POLA1: variants seen among roughly 807,000 people sequenced by gnomAD.
POLA1 encodes DNA polymerase alpha 1, catalytic subunit.
In POLA1, 15 loss-of-function variants were observed where a neutral mutation model predicts 124.0. The observed-to-expected ratio is 0.12, with a 90% confidence interval of 0.08 to 0.19. The LOEUF (loss-of-function observed/expected upper bound fraction) is 0.19. POLA1 is among the 10% of genes least tolerant of loss of function. The pLI, the probability that POLA1 is intolerant of heterozygous loss-of-function variation, is 1.00. For missense variants in POLA1, 886 were observed against 1,103.4 expected (o/e 0.80, Z 2.79); for synonymous variants, 408 against 389.4 (o/e 1.05, Z -0.56).
intron 4 of POLA1, among the ~76,000 whole-genome samples, chrX:24,707,715 C>T (rs1228169936): frequency 4.4e-5 from 5 of 112,426 alleles, no homozygotes; most frequent in Non-Finnish European, 7.5e-5. Context: ...GAAAAATGGC[C>T]GGGTGCGGTG....
chrX:24,817,622 AAAAAG>A (rs1569324166), intron 30 of POLA1, among the ~76,000 whole-genome samples: 4 of 109,365 alleles, frequency 3.7e-5, no homozygotes, highest in Non-Finnish European at 5.7e-5. Flanking sequence ...AAAAAAAAAA[AAAAAG>A]AAAAGAAAAA....
intron 35 of POLA1, among the ~76,000 whole-genome samples, chrX:24,918,411 C>T (rs769089699): frequency 2.2e-4 from 25 of 111,463 alleles, no homozygotes; most frequent in Non-Finnish European, 4.1e-4. Context: ...AAAGCAGAGA[C>T]AGTAGAGATA....
chrX:24,780,377 T>C (rs139636875), intron 26 of POLA1, among the ~76,000 whole-genome samples: 34 of 112,817 alleles, frequency 3.0e-4, no homozygotes, highest in Non-Finnish European at 5.1e-4. Flanking sequence ...TTTCTGGTAT[T>C]AGGGGGAAAG....
chrX:24,966,651 G>A (rs775232894), intron 36 of POLA1, among the ~76,000 whole-genome samples: 2 of 111,801 alleles, frequency 1.8e-5, no homozygotes, highest in South Asian at 7.6e-4. Flanking sequence ...CTTCACTCCT[G>A]CCCCATTTTT....
intron 32 of POLA1, among the ~76,000 whole-genome samples, chrX:24,834,686 G>C (rs1179561737): frequency 2.7e-5 from 3 of 111,722 alleles, no homozygotes; most frequent in Non-Finnish European, 5.6e-5. Flanking sequence ...GCTGAGGCAG[G>C]AGAATCTCTT....
chrX:24,963,508 G>A (rs1294314181), intron 36 of POLA1, among the ~76,000 whole-genome samples: 1 of 111,736 alleles, frequency 8.9e-6, no homozygotes, highest in African/African-American at 3.2e-5. Context: ...TGTGCTGTGA[G>A]TTTTCCAGTC....
intron 33 of POLA1, among the ~76,000 whole-genome samples, chrX:24,842,468 A>C (rs1336180270): frequency 8.9e-6 from 1 of 112,579 alleles, no homozygotes; most frequent in Admixed American, 9.4e-5. Context: ...AGGAATAGGC[A>C]GCAGAACTGT....
At chrX:24,709,020 C>A (rs1228002020) in intron 4 of POLA1, among the ~76,000 whole-genome samples, 1 of 93,006 alleles carries the variant, frequency 1.1e-5, no homozygotes, top group Non-Finnish European at 2.3e-5. Flanking sequence ...GGGGGGCTGA[C>A]CCCCCCCACC....
rs1203716704 is a variant in POLA1, at chrX:24,727,926, A to G, written c.1676A>G (p.His559Arg). 5.8e-6 allele frequency: 7 copies of G among 1,207,727 alleles called. No homozygotes were observed. The highest frequency in any genetic ancestry group is 2.2e-5 in the Admixed American group (1 of 45,965). ...AAGACAATGCAGAATGCAAAGAACC[A>G]TCAAAATGAGGTTTAAAAAATAGGA... ...SMKTMQNAKN[H>R]QNEIIAMAAL... Residue 559 changes from histidine (H) to arginine (R), a missense_variant, in exon 15 of 37, where the codon CAT becomes CGT. Physicochemically the swap from His to Arg is conservative, Grantham distance 29. Around this residue, in one of 7 missense-constraint regions of POLA1, gnomAD observed 337 missense variants for 402.8 expected, o/e 0.84. Transcript: ENST00000379068.
At chrX:24,846,761 C>T in intron 34 of POLA1, among the ~76,000 whole-genome samples, 1 of 111,789 alleles carries the variant, frequency 8.9e-6, no homozygotes, top group Middle Eastern at 4.6e-3. Context: ...GGCAGAATGC[C>T]TGCTGTGTGG....
chrX:24,846,553 ACT>A (rs1206864869), intron 34 of POLA1, among the ~76,000 whole-genome samples: 1 of 111,280 alleles, frequency 9.0e-6, no homozygotes, highest in African/African-American at 3.3e-5. Flanking sequence ...AAAGACAATA[ACT>A]CTAAGCTTTT....
At chrX:24,728,593 A>G (rs1930693161) in intron 15 of POLA1, among the ~76,000 whole-genome samples, 2 of 111,999 alleles carry the variant, frequency 1.8e-5, no homozygotes, top group Middle Eastern at 4.6e-3. Context: ...TTTTAATGAC[A>G]TTGAATAATT....
chrX:24,792,279 C>A (rs1045374734), intron 26 of POLA1, among the ~76,000 whole-genome samples: 1 of 111,613 alleles, frequency 9.0e-6, no homozygotes, highest in Admixed American at 9.5e-5. Context: ...CTCCCCAATA[C>A]CACAGACCAC....
intron 26 of POLA1, among the ~76,000 whole-genome samples, chrX:24,755,193 G>C (rs1425661299): frequency 8.9e-6 from 1 of 112,257 alleles, no homozygotes; most frequent in East Asian, 2.8e-4. Context: ...GCCACAATAC[G>C]TAACTCCCTC....
At chrX:24,906,849 G>T (rs1423706980) in intron 35 of POLA1, among the ~76,000 whole-genome samples, 1 of 111,461 alleles carries the variant, frequency 9.0e-6, no homozygotes, top group Non-Finnish European at 1.9e-5. Flanking sequence ...GAATGGAGAC[G>T]ACAGGAGAAA....
intron 36 of POLA1, among the ~76,000 whole-genome samples, chrX:24,931,225 A>G (rs1376469110): frequency 9.0e-6 from 1 of 110,524 alleles, no homozygotes; most frequent in Admixed American, 9.6e-5. Flanking sequence ...CAACTTTTCT[A>G]TTACCTGTGA....
intron 26 of POLA1, among the ~76,000 whole-genome samples, chrX:24,785,131 C>T (rs1332965090): frequency 8.9e-6 from 1 of 112,022 alleles, no homozygotes; most frequent in Non-Finnish European, 1.9e-5. Flanking sequence ...TAATTCAGTA[C>T]GATAATAAAT....
At chrX:24,810,835 A>G (rs760546352) in intron 28 of POLA1, 35 bp downstream of exon 28, 4 of 671,503 alleles carry the variant, frequency 6.0e-6, no homozygotes, top group Non-Finnish European at 9.5e-6. Context: ...TGCTTTACCT[A>G]TTTTTGTGAA....
chrX:24,994,535 G>A (rs1017913728), intron 36 of POLA1, among the ~76,000 whole-genome samples: 8 of 112,199 alleles, frequency 7.1e-5, no homozygotes, highest in Non-Finnish European at 1.1e-4. Flanking sequence ...TTATGGGGGC[G>A]GAGGCCTCAC....
Sources: allele counts gnomAD v4.1 joint callset (sites outside exome capture counted in the v4.1 genomes callset), GRCh38; gene constraint gnomAD v4.1.1; regional missense constraint gnomAD v4.1.1; transcripts MANE v1.5; gene names NCBI Gene and HGNC (gene_info 2026-07-23, HGNC 2026-07-21).